Variants in ARHGEF11 observed in about 807,000 individuals in gnomAD.
ARHGEF11 encodes the protein Rho guanine exchange factor (GEF) 11.
ARHGEF11 carries 55 observed loss-of-function variants against 193.7 expected under a neutral mutation model. That is an observed-to-expected ratio of 0.28 (90% CI 0.23 to 0.36). The LOEUF (loss-of-function observed/expected upper bound fraction) is 0.36, where lower values mean the gene tolerates loss of function less well. Among genes scored for constraint, ARHGEF11 ranks in the 10% least tolerant of loss-of-function variants. The probability of loss-of-function intolerance (pLI) is 1.00; values close to 1 mark genes in which losing one functional copy is unlikely to be tolerated. For synonymous variants in ARHGEF11, 693 were observed against 768.0 expected, an observed-to-expected ratio of 0.90 and a Z score of 1.62; for missense variants, 1,723 against 2,005.6, an observed-to-expected ratio of 0.86 and a Z score of 2.69.
At position 156,936,849 on chromosome 1, in the gene ARHGEF11, T is replaced by C. The variant is rs1388447815; in HGVS notation, c.4597A>G (p.Asn1533Asp). The change falls in exon 40 of 41, where the codon AAC becomes GAC. Residue 1533 changes from asparagine (N) to aspartate (D), a missense_variant. Transcript: ENST00000368194. ...GGGCAGGGCCCCAGTTCATGGCTGT[T>C]CCTGGAGTCAGAAGCTAGGGGCTCC... Reference protein sequence around the residue: ...AKEPLASDSRNSHELGPCPED... With the variant: ...AKEPLASDSRDSHELGPCPED... The C allele has an allele frequency of 1.2e-6, 2 of 1,613,940 alleles. No homozygotes were observed. Among genetic ancestry groups the C allele is most frequent in the African/African-American group, 2.7e-5 (2 of 74,894 alleles).
chr1:156,983,834 C>T (rs751122753), intron 3 of ARHGEF11, among the ~76,000 whole-genome samples: 2 of 152,232 alleles, frequency 1.3e-5, no homozygotes, highest in Non-Finnish European at 2.9e-5. Flanking sequence ...ACCATTTCCC[C>T]TGACATCACA....
Position 156,948,676 on chromosome 1 carries a change from T to C in ARHGEF11, c.1926-178A>G. 6.5e-7 allele frequency: 1 copy of C among 1,536,154 alleles called. No individual in the cohort carries two copies. Among genetic ancestry groups the C allele is most frequent in the South Asian group, 1.2e-5 (1 of 83,636 alleles). The stretch of plus-strand genomic sequence containing the variant: ...AAGCTTCTCAATGACAGACTATTTT[T>C]GCTGCTCTACAAACTCCTCCTCTCT... On this transcript the variant is annotated intron_variant, in intron 22 of 40. Transcript: ENST00000368194. The surrounding 1 kb of genome is among the most constrained non-coding windows in gnomAD (Gnocchi z 4.2).
Position 156,939,708 on chromosome 1 carries a change from C to G in ARHGEF11, c.3936G>C (p.Gly1312=). ...GDNTQLAGLE[G]ERPEQEDMGL... is the part of the protein sequence containing the mutation. Reference sequence around the variant, plus strand: ...CCATGTCTTCCTGCTCTGGCCGTTCCCCCTCCAGCCCTGCAAGCTGGGTGT... The same window carrying G: ...CCATGTCTTCCTGCTCTGGCCGTTCGCCCTCCAGCCCTGCAAGCTGGGTGT... The change falls in exon 37 of 41, where the codon GGG becomes GGC. Residue 1312 remains glycine, a synonymous_variant. Transcript: ENST00000368194. 5.6e-6 allele frequency: 9 copies of G among 1,614,078 alleles called. No individual in the cohort carries two copies. Among genetic ancestry groups the G allele is most frequent in the Non-Finnish European group, 7.6e-6 (9 of 1,180,010 alleles).
Position 156,944,163 on chromosome 1 carries a change from A to G in ARHGEF11, c.3068-61T>C, listed in dbSNP as rs187987721. The G allele has an allele frequency of 2.1e-3, 3,344 of 1,567,920 alleles. 5 individuals carry two copies. Among genetic ancestry groups the G allele is most frequent in the Non-Finnish European group, 2.6e-3 (3,022 of 1,150,454 alleles). On this transcript the variant is annotated intron_variant, in intron 31 of 40. Coordinates refer to ENST00000368194, the MANE Select transcript of ARHGEF11 (RefSeq NM_198236.3). Reference sequence around the variant, plus strand: ...TGCCTACTCATCCCTCATGAGCACAATGCAGGGCCACAGGCTCTTGGAGGC... The same window carrying G: ...TGCCTACTCATCCCTCATGAGCACAGTGCAGGGCCACAGGCTCTTGGAGGC...
intron 40 of ARHGEF11, among the ~76,000 whole-genome samples, chr1:156,936,482 A>G (rs1478724949): frequency 2.0e-4 from 13 of 65,688 alleles, no homozygotes; most frequent in African/African-American, 8.4e-4. Context: ...AATAAATAGA[A>G]AAAAAAAAAA....
intron 11 of ARHGEF11, among the ~76,000 whole-genome samples, chr1:156,967,074 C>T (rs1661771560): frequency 6.6e-6 from 1 of 152,170 alleles, no homozygotes; most frequent in Non-Finnish European, 1.5e-5. Flanking sequence ...CTTTCTTCTA[C>T]ACTGTCTTAT....
intron 1 of ARHGEF11, among the ~76,000 whole-genome samples, chr1:157,043,940 C>A (rs1306997075): frequency 6.6e-6 from 1 of 152,210 alleles, no homozygotes; most frequent in Non-Finnish European, 1.5e-5. Context: ...GCCAGTCCCC[C>A]TAGTGCAACC....
chr1:156,977,161 G>A (rs1663383238), intron 6 of ARHGEF11, 107 bp from the exon 7 acceptor site: 1 of 940,226 alleles, frequency 1.1e-6, no homozygotes, highest in South Asian at 1.4e-5. Flanking sequence ...AATAGAGCCT[G>A]GATCATAAGT....
Position 156,958,760 on chromosome 1 carries a change from G to T in ARHGEF11, c.1484C>A (p.Ala495Asp). The change falls in exon 17 of 41, where the codon GCT becomes GAT. Residue 495 changes from alanine to aspartate, a missense_variant. Physicochemically the swap from Ala to Asp is moderately radical, Grantham distance 126. Coordinates refer to ENST00000368194, the MANE Select transcript of ARHGEF11 (RefSeq NM_198236.3). The stretch of plus-strand genomic sequence containing the variant: ...GACTCACAAAATATCTCCAAGGGCA[G>T]CCAGCTGCTTCTCAGCCACTTGGCG... ...RERQVAEKQL[A>D]ALGDILSKYE... The T allele has an allele frequency of 6.2e-7, 1 of 1,614,182 alleles. No homozygotes were observed. Among genetic ancestry groups the T allele is most frequent in the Non-Finnish European group, 8.5e-7 (1 of 1,180,040 alleles).
At chr1:156,994,864 T>C (rs1557921769) in intron 1 of ARHGEF11, among the ~76,000 whole-genome samples, 1 of 150,326 alleles carries the variant, frequency 6.7e-6, no homozygotes, top group East Asian at 2.0e-4. Context: ...CAAAGGGTAA[T>C]TGCGAGGACC....
chr1:157,029,845 C>T (rs151101939), intron 1 of ARHGEF11, among the ~76,000 whole-genome samples: 1,967 of 152,232 alleles, frequency 0.013, 39 homozygotes, highest in African/African-American at 0.045. Flanking sequence ...CACACTAAAA[C>T]ATGGTTAAAT....
In ARHGEF11 at chr1:156,958,852, T is replaced by G. The variant is rs778122663; in HGVS notation, c.1392A>C (p.Thr464=). 1.9e-6 allele frequency: 3 copies of G among 1,614,082 alleles called. No homozygotes were observed. The African/African-American group carries it at 4.0e-5, about 22-fold the overall frequency. The change falls in exon 17 of 41, where the codon ACA becomes ACC. Residue 464 remains threonine (T), a synonymous_variant. Coordinates refer to ENST00000368194, the MANE Select transcript of ARHGEF11 (RefSeq NM_198236.3). ...EQIHDYRTKR[T]LGLGSLYGEN... is the part of the protein sequence containing the mutation. ...CACCATACAGGCTGCCCAGCCCCAG[T>G]GTGCGCTTCGTTCTAAGCCAGATAA...
intron 1 of ARHGEF11, among the ~76,000 whole-genome samples, chr1:156,998,602 C>T (rs1235234461): frequency 3.3e-5 from 5 of 152,148 alleles, no homozygotes; most frequent in Non-Finnish European, 7.4e-5. Context: ...TGGCACTCTG[C>T]AGTACTTTAA....
chr1:156,948,959 G>C lies in ARHGEF11; in HGVS notation c.1926-461C>G, dbSNP rs1658660693. ...CGGGTCAGCTCCCACCTTTAACTCT[G>C]CCTGAGGCGAACCTCTTTTAAGAGG... is the stretch of plus-strand genomic sequence containing the variant. On this transcript the variant is annotated intron_variant, in intron 22 of 40. Coordinates refer to ENST00000368194, the MANE Select transcript of ARHGEF11 (RefSeq NM_198236.3). This position sits in a 1 kb window ranked among gnomAD's most constrained non-coding sequence, Gnocchi z 4.2. The C allele has an allele frequency of 1.0e-6, 1 of 985,274 alleles. No homozygotes were observed. 61.0% of individuals were successfully genotyped at this position (985,274 alleles called of 1,614,324 possible). A position where few individuals can be genotyped will look rare whatever the true frequency, so the allele number is the denominator to read the frequency against.
intron 1 of ARHGEF11, among the ~76,000 whole-genome samples, chr1:157,000,989 C>A (rs991482576): frequency 2.0e-5 from 3 of 152,094 alleles, no homozygotes; most frequent in Non-Finnish European, 2.9e-5. Flanking sequence ...ATTCCAGGTC[C>A]CCCTGGAAAT....
intron 1 of ARHGEF11, among the ~76,000 whole-genome samples, chr1:156,997,412 G>A (rs924066936): frequency 4.6e-5 from 7 of 152,184 alleles, no homozygotes; most frequent in Non-Finnish European, 8.8e-5. Context: ...AGGCTTTCTC[G>A]AAGAAGTAAT....
chr1:156,997,057 T>TG lies in ARHGEF11; in HGVS notation c.33-10885dup, dbSNP rs1440889308. ...AAAAAAATTTTTTTTTTTGTAGAGA[T>TG]GGGGTCTCCCTTTGTTGCCAAGGCT... is the stretch of plus-strand genomic sequence containing the variant. On this transcript the variant is annotated intron_variant, in intron 1 of 40. Coordinates refer to ENST00000368194, the MANE Select transcript of ARHGEF11 (RefSeq NM_198236.3). Among the ~76,000 whole-genome samples, 12 of 151,590 alleles carry TG rather than the reference T, an allele frequency of 7.9e-5. No individual in the cohort carries two copies. The East Asian group carries it at 2.2e-3, about 27-fold the overall frequency.
chr1:156,997,852 A>ATTT (rs368706785), intron 1 of ARHGEF11, among the ~76,000 whole-genome samples: 2 of 147,942 alleles, frequency 1.4e-5, no homozygotes, highest in African/African-American at 4.9e-5. Context: ...CACCTGTATT[A>ATTT]TTTTTTTTTT....
At chr1:156,964,237 TCCCCCTTACGCTAATTTAAATAAAAA>T (rs1218891038) in intron 11 of ARHGEF11, among the ~76,000 whole-genome samples, 3 of 152,142 alleles carry the variant, frequency 2.0e-5, no homozygotes, top group Non-Finnish European at 4.4e-5. Flanking sequence ...TTCCTTTCTT[TCCCCCTTACGCTAATTTAAATAAAAA>T]CCTAATCTTA....
Sources: allele counts gnomAD v4.1 joint callset (sites outside exome capture counted in the v4.1 genomes callset), GRCh38; gene constraint gnomAD v4.1.1; non-coding constraint Gnocchi (gnomAD v3.1); transcripts MANE v1.5; gene names NCBI Gene and HGNC (gene_info 2026-07-23, HGNC 2026-07-21).